Variants in L3MBTL2 observed in about 807,000 individuals in gnomAD.
L3MBTL2 encodes the protein lethal(3)malignant brain tumor-like protein 2.
A neutral mutation model predicts 86.4 loss-of-function variants in L3MBTL2; 49 were observed. That is an observed-to-expected ratio of 0.57 (90% CI 0.45 to 0.72). L3MBTL2 has a LOEUF of 0.72. Ranked by LOEUF, L3MBTL2 falls within the 30% of genes least tolerant of loss-of-function variation. L3MBTL2 has a pLI of 0.00. For synonymous variants in L3MBTL2, 336 were observed against 350.6 expected (o/e 0.96, Z 0.47); for missense variants, 755 against 923.7 (o/e 0.82, Z 2.37).
At position 41,231,084 on chromosome 22, in the gene L3MBTL2, A is replaced by C. The variant is rs554366404; in HGVS notation, c.*833A>C. ...CCAGTTCTGACTGGAGCCTCTAGAG[A>C]GCTGGGCTTGTATGTTCTTTTGGCC... On this transcript the variant is annotated 3_prime_UTR_variant, in exon 17 of 17. Coordinates refer to ENST00000216237, the MANE Select transcript of L3MBTL2 (RefSeq NM_031488.5). 1 of 152,226 alleles carries C rather than the reference A, an allele frequency of 6.6e-6. No homozygotes were observed. The highest frequency in any genetic ancestry group is 6.5e-5 in the Admixed American group (1 of 15,280). The allele number at this position is 152,226 out of a possible 1,614,324, so 9.4% of individuals were successfully genotyped here.
chr22:41,207,664 C>A (rs941456461), intron 1 of L3MBTL2, among the ~76,000 whole-genome samples: 3 of 151,988 alleles, frequency 2.0e-5, no homozygotes, highest in African/African-American at 7.3e-5. Context: ...AAACTTTTCT[C>A]CTTTCTTCAC....
At position 41,221,299 on chromosome 22, in the gene L3MBTL2, G is replaced by C; in HGVS notation, c.942+12G>C. The C allele has an allele frequency of 7.1e-6, 11 of 1,549,392 alleles. No individual in the cohort carries two copies. The highest frequency in any genetic ancestry group is 9.6e-6 in the Non-Finnish European group (11 of 1,144,880). On this transcript the variant is annotated intron_variant, in intron 8 of 16. Coordinates refer to ENST00000216237, the MANE Select transcript of L3MBTL2 (RefSeq NM_031488.5). ...ATTTCCACATCAAGGTCGGCAGTGAGCCCTTAACTGATGTGCCTCCTTCCG... is the reference window on the plus strand; with the variant it reads ...ATTTCCACATCAAGGTCGGCAGTGACCCCTTAACTGATGTGCCTCCTTCCG...
At chr22:41,214,111 A>G (rs2031139668) in intron 3 of L3MBTL2, 85 bp downstream of exon 3, 3 of 1,444,630 alleles carry the variant, frequency 2.1e-6, no homozygotes, top group African/African-American at 1.4e-5. Context: ...GGGCCAGGAA[A>G]GTTTGAAAAG....
At chr22:41,213,197 G>A (rs1470388601) in intron 2 of L3MBTL2, among the ~76,000 whole-genome samples, 1 of 152,182 alleles carries the variant, frequency 6.6e-6, no homozygotes, top group Admixed American at 6.6e-5. Context: ...TCCAGGCTGG[G>A]TGACAGAGCA....
rs779092202 is a variant in L3MBTL2 at position 41,205,348 on chromosome 22, C to T, written c.-15C>T. ...GCTTCCTGCACCTGGTGACGCTTGG[C>T]GAAACTGAGGTCTCATGGAGAAGCC... On this transcript the variant is annotated 5_prime_UTR_variant, in exon 1 of 17. Coordinates refer to ENST00000216237, the MANE Select transcript of L3MBTL2 (RefSeq NM_031488.5). 1 of 1,614,074 alleles carries T rather than the reference C, an allele frequency of 6.2e-7. No homozygotes were observed. The highest frequency in any genetic ancestry group is 8.5e-7 in the Non-Finnish European group (1 of 1,180,002).
intron 8 of L3MBTL2, 34 bp downstream of exon 8, chr22:41,221,321 T>C (rs1235831892): frequency 6.6e-7 from 1 of 1,511,306 alleles, no homozygotes; most frequent in Non-Finnish European, 9.0e-7. Context: ...TGTGCCTCCT[T>C]CCGCTCTTCC....
rs1281701487 is a variant in L3MBTL2, at chr22:41,230,698, TA to T, written c.*449del. 1.8e-5 allele frequency: 3 copies of T among 162,674 alleles called. No individual in the cohort carries two copies. The highest frequency in any genetic ancestry group is 7.2e-5 in the African/African-American group (3 of 41,558). 10.1% of individuals were successfully genotyped at this position (162,674 alleles called of 1,614,324 possible). A position where few individuals can be genotyped will look rare whatever the true frequency, so the allele number is the denominator to read the frequency against. On this transcript the variant is annotated 3_prime_UTR_variant, in exon 17 of 17. Coordinates refer to ENST00000216237, the MANE Select transcript of L3MBTL2 (RefSeq NM_031488.5). ...TTCTAGAGCAGCTCTCTGAGCAGGATAAGGTCCCCTGACAGTGAGTTGTGTG... is the reference window on the plus strand; with the variant it reads ...TTCTAGAGCAGCTCTCTGAGCAGGATAGGTCCCCTGACAGTGAGTTGTGTG...
At chr22:41,209,473 G>A (rs1569135659) in intron 1 of L3MBTL2, 11 of 512,500 alleles carry the variant, frequency 2.1e-5, no homozygotes, top group Non-Finnish European at 3.5e-5. Flanking sequence ...CCACAGAGGA[G>A]CCTGGTGAAT....
At position 41,220,757 on chromosome 22, in the gene L3MBTL2, G is replaced by A; in HGVS notation, c.742G>A (p.Glu248Lys). ...TAGYRVLLRY[E>K]GFENDASHDF... ...AGGGTATCGGGTGCTGCTTCGGTAT[G>A]AAGGCTTTGAAAATGACGCCAGCCA... is the stretch of plus-strand genomic sequence containing the variant. Residue 248 changes from glutamate (E) to lysine (K), a missense_variant, in exon 7 of 17, where the codon GAA becomes AAA. By Grantham distance (56) the Glu-to-Lys change is moderately conservative (BLOSUM62 1). Coordinates refer to ENST00000216237, the MANE Select transcript of L3MBTL2 (RefSeq NM_031488.5). The A allele has an allele frequency of 6.2e-7, 1 of 1,613,510 alleles. No individual in the cohort carries two copies. The highest frequency in any genetic ancestry group is 1.1e-5 in the South Asian group (1 of 91,038).
intron 5 of L3MBTL2, chr22:41,218,021 A>C (rs1198069246): frequency 6.6e-6 from 1 of 152,210 alleles, no homozygotes; most frequent in Non-Finnish European, 1.5e-5. Flanking sequence ...ATTCTCTAAT[A>C]GTTTCAGCAT....
Position 41,209,866 on chromosome 22 carries a change from G to GACCTCCCCGCTGCAT in L3MBTL2, c.196_210dup (p.Thr66_His70dup). ...AGGATCGGGAAGCAGGGGAACTGCCGACCTCCCCGCTGCATTTGCTCAGCC... is the reference window on the plus strand; with the variant it reads ...AGGATCGGGAAGCAGGGGAACTGCCGACCTCCCCGCTGCATACCTCCCCGCTGCATTTGCTCAGCC... On this transcript the variant is annotated inframe_insertion, in exon 2 of 17. Coordinates refer to ENST00000216237, the MANE Select transcript of L3MBTL2 (RefSeq NM_031488.5). 6.2e-7 allele frequency: 1 copy of GACCTCCCCGCTGCAT among 1,614,122 alleles called. No individual in the cohort carries two copies. The highest frequency in any genetic ancestry group is 1.3e-5 in the African/African-American group (1 of 75,024).
chr22:41,224,674 G>C lies in L3MBTL2; in HGVS notation c.1175-51G>C. 1 of 1,422,146 alleles carries C rather than the reference G, an allele frequency of 7.0e-7. No individual in the cohort carries two copies. The highest frequency in any genetic ancestry group is 9.9e-7 in the Non-Finnish European group (1 of 1,006,098). The allele number at this position is 1,422,146 out of a possible 1,614,324, so 88.1% of individuals were successfully genotyped here. ...GGAGGCGTGTGGAGATGGCCCAGGA[G>C]CCGCCTCCAACTCCCTTCTCTCCCT... On this transcript the variant is annotated intron_variant, in intron 9 of 16. Transcript: ENST00000216237. This position sits in a 1 kb window ranked among gnomAD's most constrained non-coding sequence, Gnocchi z 4.9.
rs541707544 is a variant in L3MBTL2, at chr22:41,216,991, G to A, written c.521-132G>A. 2.1e-4 allele frequency: 139 copies of A among 664,854 alleles called. No individual in the cohort carries two copies. The African/African-American group carries it at 2.3e-3, about 11-fold the overall frequency. 41.2% of individuals were successfully genotyped at this position (664,854 alleles called of 1,614,324 possible). On this transcript the variant is annotated intron_variant, in intron 4 of 16. Coordinates refer to ENST00000216237, the MANE Select transcript of L3MBTL2 (RefSeq NM_031488.5). ...TATGGGAGTGAAGGAGGGTGTCGTG[G>A]GCAGCGCTGTGAGAGGGGCTGCTGG...
At chr22:41,213,144 G>A (rs1255045065) in intron 2 of L3MBTL2, among the ~76,000 whole-genome samples, 1 of 152,174 alleles carries the variant, frequency 6.6e-6, no homozygotes, top group Non-Finnish European at 1.5e-5. Flanking sequence ...GTGAACCCGG[G>A]AGGCAGAGCT....
Position 41,227,063 on chromosome 22 carries a change from G to C in L3MBTL2, c.1588-26G>C. On this transcript the variant is annotated intron_variant, in intron 13 of 16. Coordinates refer to ENST00000216237, the MANE Select transcript of L3MBTL2 (RefSeq NM_031488.5). This position sits in a 1 kb window ranked among gnomAD's most constrained non-coding sequence, Gnocchi z 6.0. ...CTGGGGTAGGGAGCTGACTGGCTTG[G>C]CCACTGCCTCCTTTTTCTGCCCCAG... is the stretch of plus-strand genomic sequence containing the variant. The C allele has an allele frequency of 6.3e-7, 1 of 1,577,260 alleles. No homozygotes were observed. The highest frequency in any genetic ancestry group is 8.6e-7 in the Non-Finnish European group (1 of 1,160,636).
Position 41,226,535 on chromosome 22 carries a change from G to C in L3MBTL2, c.1505-127G>C, listed in dbSNP as rs1247632151. ...TACTACCCTGAGGGGATGAGAAGAA[G>C]GCTGCTGGGGAGACTCCATGCTGGG... is the stretch of plus-strand genomic sequence containing the variant. On this transcript the variant is annotated intron_variant, in intron 12 of 16. Coordinates refer to ENST00000216237, the MANE Select transcript of L3MBTL2 (RefSeq NM_031488.5). 1.9e-5 allele frequency: 14 copies of C among 721,366 alleles called. No individual in the cohort carries two copies. The East Asian group carries it at 2.8e-4, about 15-fold the overall frequency. The allele number at this position is 721,366 out of a possible 1,614,324, so 44.7% of individuals were successfully genotyped here.
chr22:41,208,277 A>C (rs570209200), intron 1 of L3MBTL2: 1 of 433,948 alleles, frequency 2.3e-6, no homozygotes, highest in Non-Finnish European at 4.6e-6. Flanking sequence ...CTACAGGCGC[A>C]TGCCACCACA....
At chr22:41,216,372 G>T in intron 4 of L3MBTL2, 110 bp downstream of exon 4, 1 of 1,369,084 alleles carries the variant, frequency 7.3e-7, no homozygotes, top group Non-Finnish European at 9.9e-7. Flanking sequence ...CAGGTAGAAA[G>T]TGCCCTAAGT....
chr22:41,228,383 C>T (rs542909584), intron 15 of L3MBTL2: 3 of 985,488 alleles, frequency 3.0e-6, no homozygotes, highest in Non-Finnish European at 3.6e-6. Context: ...GGTGGGGCCT[C>T]ACTCTACAGA....
Sources: gnomAD v4.1 joint callset for allele counts (sites outside exome capture counted in the v4.1 genomes callset) on GRCh38, gnomAD v4.1.1 for gene constraint, Gnocchi (gnomAD v3.1) non-coding constraint, MANE v1.5 for transcripts, NCBI Gene and HGNC (gene_info 2026-07-23, HGNC 2026-07-21) for gene names.